KCNMA1: variants seen among roughly 807,000 people sequenced by gnomAD.
KCNMA1 encodes the protein potassium calcium-activated channel subfamily M alpha 1, also known as Calcium-activated potassium channel subunit alpha-1.
In KCNMA1, 29 loss-of-function variants were observed where a neutral mutation model predicts 140.0. The ratio of observed to expected loss-of-function variants is 0.21; its 90% CI spans 0.15 to 0.28. The LOEUF (loss-of-function observed/expected upper bound fraction) is 0.28. KCNMA1 is among the 10% of genes least tolerant of loss of function. The probability of loss-of-function intolerance (pLI) is 1.00; values close to 1 mark genes in which losing one functional copy is unlikely to be tolerated. For synonymous variants in KCNMA1, 612 were observed against 611.9 expected (o/e 1.00, Z 0.00); for missense variants, 880 against 1,602.2 (o/e 0.55, Z 7.70).
chr10:77,393,466 C>T (rs779971627), intron 2 of KCNMA1, among the ~76,000 whole-genome samples: 2 of 152,174 alleles, frequency 1.3e-5, no homozygotes, highest in South Asian at 2.1e-4. Context: ...CATGCATTAA[C>T]TCATTAAGAG....
intron 3 of KCNMA1, among the ~76,000 whole-genome samples, chr10:77,193,170 A>G (rs2039191210): frequency 6.6e-6 from 1 of 152,118 alleles, no homozygotes; most frequent in Admixed American, 6.6e-5. Context: ...TTTCTTCTCT[A>G]AGAGCACGTA....
At chr10:77,219,718 C>A (rs1160296682) in intron 3 of KCNMA1, among the ~76,000 whole-genome samples, 1 of 152,184 alleles carries the variant, frequency 6.6e-6, no homozygotes, top group African/African-American at 2.4e-5. Context: ...CTCCCGGGTT[C>A]AAGCAATTCT....
intron 20 of KCNMA1, 36 bp downstream of exon 20, chr10:76,969,938 A>G: frequency 6.6e-7 from 1 of 1,521,580 alleles, no homozygotes; most frequent in Non-Finnish European, 9.1e-7. Flanking sequence ...AGAAGGGCTA[A>G]GAGGGAAACC....
At chr10:77,031,857 A>G (rs1310852973) in intron 15 of KCNMA1, among the ~76,000 whole-genome samples, 2 of 152,242 alleles carry the variant, frequency 1.3e-5, no homozygotes, top group Non-Finnish European at 2.9e-5. Context: ...AGCCTTCAGT[A>G]AAGTCTGGAT....
At chr10:77,339,337 C>T (rs555534461) in intron 2 of KCNMA1, among the ~76,000 whole-genome samples, 3 of 152,174 alleles carry the variant, frequency 2.0e-5, no homozygotes, top group Admixed American at 6.5e-5. Context: ...CCTTCCCAGC[C>T]TCTCTGCTCC....
At chr10:76,878,609 G>T (rs79713414) in intron 29 of KCNMA1, among the ~76,000 whole-genome samples, 2,415 of 152,276 alleles carry the variant, frequency 0.016, 34 homozygotes, top group East Asian at 0.036. Context: ...GTTCCAAGTG[G>T]CAATATCTTA....
chr10:77,112,705 A>T (rs2097354375), intron 6 of KCNMA1, among the ~76,000 whole-genome samples: 1 of 152,188 alleles, frequency 6.6e-6, no homozygotes. Flanking sequence ...AGTGGAAAGA[A>T]CAGTATAATG....
intron 3 of KCNMA1, among the ~76,000 whole-genome samples, chr10:77,205,059 A>G (rs2043638849): frequency 6.6e-6 from 1 of 152,042 alleles, no homozygotes; most frequent in Admixed American, 6.6e-5. Context: ...CTCTCCTCCC[A>G]TCTCCTCCCT....
chr10:76,926,299 T>C (rs533188250), intron 23 of KCNMA1, among the ~76,000 whole-genome samples: 1 of 152,306 alleles, frequency 6.6e-6, no homozygotes, highest in South Asian at 2.1e-4. Flanking sequence ...CCTCTTTCTG[T>C]TTCTAATTTG....
At chr10:77,605,551 T>C (rs11002218) in intron 1 of KCNMA1, among the ~76,000 whole-genome samples, 8,020 of 152,184 alleles carry the variant, frequency 0.053, 667 homozygotes, top group African/African-American at 0.18. Context: ...CTCTGCTGGG[T>C]ACCCTCCCTA....
intron 1 of KCNMA1, among the ~76,000 whole-genome samples, chr10:77,443,140 T>C (rs61856121): frequency 0.011 from 1,667 of 152,100 alleles, 16 homozygotes; most frequent in Non-Finnish European, 0.017. Flanking sequence ...GCCACCATCA[T>C]CCCACGAGGG....
chr10:76,914,493 C>T (rs1226031631), intron 24 of KCNMA1: 6 of 353,912 alleles, frequency 1.7e-5, no homozygotes, highest in Non-Finnish European at 2.6e-5. Context: ...GGGCTTCTAC[C>T]TTGTTCCCAA....
At position 76,947,966 on chromosome 10, in the gene KCNMA1, A is replaced by G. The variant is rs374536160; in HGVS notation, c.2709+1176T>C. Among the ~76,000 whole-genome samples the G allele has an allele frequency of 2.6e-3, 393 of 150,592 alleles. 8 individuals are homozygous for G. In the South Asian group the frequency reaches 0.078, roughly 30 times the overall value. ...AGTGGGGGAAAACCCAGACTTCTTA[A>G]CATGTAGAGAAATCCATGTTCCTCA... On this transcript the variant is annotated intron_variant, in intron 22 of 27. Coordinates refer to ENST00000286628, the MANE Select transcript of KCNMA1 (RefSeq NM_001161352.2).
chr10:76,986,658 G>A (rs988803314), intron 19 of KCNMA1, among the ~76,000 whole-genome samples: 1 of 152,222 alleles, frequency 6.6e-6, no homozygotes, highest in Admixed American at 6.5e-5. Flanking sequence ...GTGAGATAAG[G>A]TCTAGGCCAT....
intron 2 of KCNMA1, among the ~76,000 whole-genome samples, chr10:77,310,515 G>C (rs1166375865): frequency 6.6e-6 from 1 of 152,192 alleles, no homozygotes; most frequent in Non-Finnish European, 1.5e-5. Context: ...ACTGAGGCTT[G>C]GAGCAGTTAT....
chr10:76,887,209 C>T lies in KCNMA1; in HGVS notation c.*57G>A. On this transcript the variant is annotated 3_prime_UTR_variant, in exon 28 of 28. Transcript: ENST00000286628. ...AGGGAAAGTTACTTTGTTGGAAACACCAACTGGGGAAATGAGTGGCAGATA... is the reference window on the plus strand; with the variant it reads ...AGGGAAAGTTACTTTGTTGGAAACATCAACTGGGGAAATGAGTGGCAGATA... The T allele has an allele frequency of 3.1e-6, 5 of 1,613,612 alleles. No homozygotes were observed. In the South Asian group the frequency reaches 5.5e-5, roughly 18 times the overall value.
At chr10:77,142,738 G>C (rs2098207678) in intron 5 of KCNMA1, among the ~76,000 whole-genome samples, 1 of 152,276 alleles carries the variant, frequency 6.6e-6, no homozygotes, top group East Asian at 1.9e-4. Flanking sequence ...GGAAATGATA[G>C]ACAGAACTAC....
chr10:77,482,477 GTC>G (rs1217605271), intron 1 of KCNMA1, among the ~76,000 whole-genome samples: 3 of 152,234 alleles, frequency 2.0e-5, no homozygotes, highest in Non-Finnish European at 4.4e-5. Context: ...TCCTCCTTCT[GTC>G]TCTGACCACG....
intron 1 of KCNMA1, among the ~76,000 whole-genome samples, chr10:77,590,806 C>T (rs1681121241): frequency 1.3e-5 from 2 of 151,512 alleles, no homozygotes; most frequent in South Asian, 4.2e-4. Context: ...AAGGTTTTCT[C>T]CCTCCTTCCC....
Sources: allele counts gnomAD v4.1 joint callset (sites outside exome capture counted in the v4.1 genomes callset), GRCh38; gene constraint gnomAD v4.1.1; transcripts MANE v1.5; gene names NCBI Gene and HGNC (gene_info 2026-07-23, HGNC 2026-07-21).